Variants in RYR1 observed in about 807,000 individuals in gnomAD.
RYR1 encodes central core disease of muscle.
In RYR1, 342 loss-of-function variants were observed where a neutral mutation model predicts 583.5. That is an observed-to-expected ratio of 0.59 (90% CI 0.54 to 0.64). RYR1 has a LOEUF of 0.64. Ranked by LOEUF, RYR1 falls within the 30% of genes least tolerant of loss-of-function variation. The probability of loss-of-function intolerance (pLI) is 0.00; values close to 1 mark genes in which losing one functional copy is unlikely to be tolerated. For missense variants in RYR1, 6,032 were observed against 6,917.2 expected (o/e 0.87, Z 4.54); for synonymous variants, 2,791 against 2,822.5 (o/e 0.99, Z 0.35).
At chr19:38,585,386 ATGTTTATT>A (rs1471398058) in intron 102 of RYR1, among the ~76,000 whole-genome samples, 3 of 145,908 alleles carry the variant, frequency 2.1e-5, no homozygotes, top group East Asian at 2.0e-4. Flanking sequence ...ATATATATAT[ATGTTTATT>A]TATATATATA....
In RYR1 at chr19:38,578,071, C is replaced by T. The variant is rs975120325; in HGVS notation, c.14303+23C>T. The stretch of plus-strand genomic sequence containing the variant: ...CTGGTGAGCCCAGGACACCCCTGCA[C>T]AGGCCTGGGGCATGCAGGGGAGGTG... On this transcript the variant is annotated intron_variant, in intron 98 of 105. Transcript: ENST00000359596. The T allele has an allele frequency of 9.3e-6, 15 of 1,613,812 alleles. No individual in the cohort carries two copies. The African/African-American group carries it at 9.3e-5, about 10-fold the overall frequency.
chr19:38,447,058 ATAAAT>A (rs1180116444), intron 9 of RYR1, among the ~76,000 whole-genome samples: 1 of 152,046 alleles, frequency 6.6e-6, no homozygotes, highest in Non-Finnish European at 1.5e-5. Context: ...ATAAAATAAA[ATAAAT>A]AAAATAAAGA....
At chr19:38,546,899 C>T (rs1197256969) in intron 88 of RYR1, among the ~76,000 whole-genome samples, 1 of 149,070 alleles carries the variant, frequency 6.7e-6, no homozygotes, top group Non-Finnish European at 1.5e-5. Context: ...CTGCAGTGAG[C>T]TGTGATCACA....
chr19:38,510,070 A>G (rs189867175), intron 58 of RYR1, among the ~76,000 whole-genome samples: 39 of 152,270 alleles, frequency 2.6e-4, no homozygotes, highest in African/African-American at 9.4e-4. Flanking sequence ...AGTTGGGGGA[A>G]AGCACATTGG....
Position 38,489,170 on chromosome 19 carries a change from C to A in RYR1, c.5548-7C>A. 2 of 1,613,938 alleles carry A rather than the reference C, an allele frequency of 1.2e-6. No homozygotes were observed. Among genetic ancestry groups the A allele is most frequent in the Non-Finnish European group, 1.7e-6 (2 of 1,179,936 alleles). On this transcript the variant is annotated splice_polypyrimidine_tract_variant and splice_region_variant and intron_variant, in intron 34 of 105. Coordinates refer to ENST00000359596, the MANE Select transcript of RYR1 (RefSeq NM_000540.3). ...CCACAGTGAAGAACCGAGACTTTGTCCTGTAGGTGATGGGCATCTTTGGCG... is the reference window on the plus strand; with the variant it reads ...CCACAGTGAAGAACCGAGACTTTGTACTGTAGGTGATGGGCATCTTTGGCG...
intron 48 of RYR1, 53 bp from the exon 49 acceptor site, chr19:38,502,827 G>C: frequency 6.4e-7 from 1 of 1,555,004 alleles, no homozygotes; most frequent in Non-Finnish European, 8.7e-7. Flanking sequence ...AGGGGCAGGG[G>C]CAGCAGAGCG....
At chr19:38,524,075 T>A (rs1971353242) in intron 70 of RYR1, 146 bp downstream of exon 70, 5 of 742,390 alleles carry the variant, frequency 6.7e-6, no homozygotes, top group Non-Finnish European at 1.1e-5. Flanking sequence ...CCTCCTTCCC[T>A]TCCCTTCCCT....
chr19:38,439,799 G>A (rs1012781409), intron 1 of RYR1, among the ~76,000 whole-genome samples: 1 of 152,166 alleles, frequency 6.6e-6, no homozygotes, highest in Admixed American at 6.5e-5. Flanking sequence ...GAACTACTGC[G>A]CCCGGACTCA....
chr19:38,494,716 G>T, intron 39 of RYR1, 91 bp downstream of exon 39: 1 of 1,530,376 alleles, frequency 6.5e-7, no homozygotes. Flanking sequence ...CCAACTTCTG[G>T]CCCATCCTCT....
Position 38,455,746 on chromosome 19 carries a change from C to A in RYR1, c.1786C>A (p.His596Asn). The stretch of plus-strand genomic sequence containing the variant: ...CCTCCTGGACAAGCATGGGAGGAAC[C>A]ACAAGGTCGGCCCCTCACCCCTGAC... ...ISLLDKHGRN[H>N]KVLDVLCSLC... is the part of the protein sequence containing the mutation. The change falls in exon 16 of 106, where the codon CAC becomes AAC. Residue 596 changes from histidine to asparagine, a missense_variant. His to Asn is a moderately conservative substitution (Grantham distance 68, BLOSUM62 1). Transcript: ENST00000359596. 6.3e-7 allele frequency: 1 copy of A among 1,599,006 alleles called. No individual in the cohort carries two copies. Among genetic ancestry groups the A allele is most frequent in the South Asian group, 1.1e-5 (1 of 90,752 alleles).
intron 70 of RYR1, among the ~76,000 whole-genome samples, chr19:38,524,921 G>A (rs1384943073): frequency 7.9e-5 from 12 of 152,102 alleles, no homozygotes; most frequent in Non-Finnish European, 1.6e-4. Flanking sequence ...GGCCCAGAAC[G>A]GGGGAAAATC....
rs200381338 is a variant in RYR1, at chr19:38,494,521, C to T, written c.6444C>T (p.Ser2148=). The change falls in exon 39 of 106, where the codon TCC becomes TCT. Residue 2148 remains serine (S), a synonymous_variant. Coordinates refer to ENST00000359596, the MANE Select transcript of RYR1 (RefSeq NM_000540.3). ...GGGCGTACACCATCTCACCGTCCTC[C>T]GTGGAAGACACCATGAGCCTGCTCG... The part of the protein sequence containing the change: ...LPRAYTISPS[S]VEDTMSLLEC... 38 of 1,613,914 alleles carry T rather than the reference C, an allele frequency of 2.4e-5. No individual in the cohort carries two copies. The East Asian group carries it at 3.6e-4, about 15-fold the overall frequency.
intron 13 of RYR1, among the ~76,000 whole-genome samples, chr19:38,453,284 G>A (rs532705047): frequency 1.3e-5 from 2 of 151,726 alleles, no homozygotes; most frequent in African/African-American, 4.8e-5. Flanking sequence ...GGCGGGGCCT[G>A]GAGAGAAGGA....
rs141689641 is a variant in RYR1, at chr19:38,552,759, C to T, written c.12282+4339C>T. 1.5e-3 allele frequency among the ~76,000 whole-genome samples: 227 copies of T among 152,260 alleles called. 4 individuals are homozygous for T. The South Asian group carries it at 0.019, about 13-fold the overall frequency. On this transcript the variant is annotated intron_variant, in intron 89 of 105. Coordinates refer to ENST00000359596, the MANE Select transcript of RYR1 (RefSeq NM_000540.3). ...GCACTTCCTGGGGGCTGGGCCCTGG[C>T]TGGGGGTCTCAGCCCTACTCTCGAG...
Position 38,475,616 on chromosome 19 carries a change from T to C in RYR1, c.4293+166T>C, listed in dbSNP as rs60228500. On this transcript the variant is annotated intron_variant, in intron 29 of 105. Coordinates refer to ENST00000359596, the MANE Select transcript of RYR1 (RefSeq NM_000540.3). ...TATGGCACACACAGATTTAATCCTT[T>C]GAACCCCTAAATCCATATAGCTATG... 0.037 allele frequency among the ~76,000 whole-genome samples: 5,574 copies of C among 152,264 alleles called. 330 individuals are homozygous for C. Among genetic ancestry groups the C allele is most frequent in the African/African-American group, 0.13 (5,250 of 41,530 alleles).
intron 90 of RYR1, among the ~76,000 whole-genome samples, chr19:38,562,325 C>T (rs1973183663): frequency 6.6e-6 from 1 of 152,094 alleles, no homozygotes; most frequent in South Asian, 2.1e-4. Context: ...TCACGTGGTC[C>T]CGGCATGTCC....
chr19:38,445,376 T>A (rs1281755174), intron 7 of RYR1, among the ~76,000 whole-genome samples: 3 of 151,266 alleles, frequency 2.0e-5, no homozygotes, highest in Middle Eastern at 3.5e-3. Flanking sequence ...ACTTCCAAAC[T>A]TCAATTTCAA....
At position 38,444,950 on chromosome 19, in the gene RYR1, A is replaced by G. The variant is rs546526041; in HGVS notation, c.631+273A>G. Among the ~76,000 whole-genome samples the G allele has an allele frequency of 1.3e-5, 2 of 151,976 alleles. No homozygotes were observed. Among genetic ancestry groups the G allele is most frequent in the South Asian group, 4.2e-4 (2 of 4,798 alleles). Reference sequence around the variant, plus strand: ...CCTAAACTCAGATTCAAATCTTAAAACATCAAGTTTAAAGCTTGTTTAAAG... The same window carrying G: ...CCTAAACTCAGATTCAAATCTTAAAGCATCAAGTTTAAAGCTTGTTTAAAG... On this transcript the variant is annotated intron_variant, in intron 7 of 105. Coordinates refer to ENST00000359596, the MANE Select transcript of RYR1 (RefSeq NM_000540.3). The surrounding 1 kb of genome is among the most constrained non-coding windows in gnomAD (Gnocchi z 5.1).
intron 2 of RYR1, 123 bp downstream of exon 2, chr19:38,440,987 G>A: frequency 1.8e-6 from 2 of 1,130,122 alleles, no homozygotes; most frequent in Non-Finnish European, 2.5e-6. Context: ...AAGTGAGGAG[G>A]GGGGCTAAGG....
Sources: gnomAD v4.1 joint callset for allele counts (sites outside exome capture counted in the v4.1 genomes callset) on GRCh38, gnomAD v4.1.1 for gene constraint, Gnocchi (gnomAD v3.1) non-coding constraint, MANE v1.5 for transcripts, NCBI Gene and HGNC (gene_info 2026-07-23, HGNC 2026-07-21) for gene names.